VIPAS39: variants seen among roughly 807,000 people sequenced by gnomAD.
The protein encoded by VIPAS39 is VPS33B interacting protein, apical-basolateral polarity regulator, spe-39 homolog.
A neutral mutation model predicts 84.7 loss-of-function variants in VIPAS39; 63 were observed. The observed-to-expected ratio is 0.74, with a 90% CI of 0.61 to 0.92. VIPAS39 has a LOEUF of 0.92. Ranked by LOEUF, VIPAS39 falls within the 40% of genes least tolerant of loss-of-function variation. The pLI, the probability that VIPAS39 is intolerant of heterozygous loss-of-function variation, is 0.00. For synonymous variants in VIPAS39, 192 were observed against 216.5 expected (o/e 0.89, Z 0.99); for missense variants, 499 against 604.5 (o/e 0.83, Z 1.83).
chr14:77,432,818 A>T (rs2078543972), intron 16 of VIPAS39, among the ~76,000 whole-genome samples: 1 of 152,230 alleles, frequency 6.6e-6, no homozygotes. Context: ...AATGTACAGC[A>T]TGAGGAATAC....
chr14:77,433,580 A>T (rs934395801), intron 16 of VIPAS39, among the ~76,000 whole-genome samples: 1 of 152,232 alleles, frequency 6.6e-6, no homozygotes, highest in African/African-American at 2.4e-5. Flanking sequence ...GAAAAGAAAA[A>T]CACATAGGTA....
chr14:77,427,284 C>T lies in VIPAS39; in HGVS notation c.*332G>A. The T allele has an allele frequency of 2.5e-6, 1 of 395,510 alleles. No individual in the cohort carries two copies. Among genetic ancestry groups the T allele is most frequent in the Non-Finnish European group, 4.7e-6 (1 of 212,666 alleles). 24.5% of individuals were successfully genotyped at this position (395,510 alleles called of 1,614,324 possible). ...GAATGCAGTAGCCACCCTATGACTC[C>T]CATACCTCTTCCTTTCTGGAGCAGT... On this transcript the variant is annotated 3_prime_UTR_variant, in exon 20 of 20. Coordinates refer to ENST00000557658, the MANE Select transcript of VIPAS39 (RefSeq NM_001193315.2).
At chr14:77,454,200 T>C in intron 1 of VIPAS39, 98 bp from the exon 2 acceptor site, 2 of 1,095,968 alleles carry the variant, frequency 1.8e-6, no homozygotes, top group Non-Finnish European at 2.8e-6. Context: ...ATCCCAAAAA[T>C]CAAGGATGCA....
chr14:77,453,382 GC>G lies in VIPAS39; in HGVS notation c.112del (p.Ala38ArgfsTer2). 8 of 1,614,006 alleles carry G rather than the reference GC, an allele frequency of 5.0e-6. No individual in the cohort carries two copies. The highest frequency in any genetic ancestry group is 6.8e-6 in the Non-Finnish European group (8 of 1,180,002). The stretch of plus-strand genomic sequence containing the variant: ...CACGAAGTCTCGGAGGCTGTTCACC[GC>G]CCGCTTGGACTCCTTTAACTGCAGA... ...ELSQLKESKR[A>X]VNSLRDFVDD... On this transcript the variant is annotated frameshift_variant, in exon 3 of 20. Transcript: ENST00000557658. LOFTEE classifies it high-confidence loss of function.
rs1409442466 is a variant in VIPAS39 at position 77,448,242 on chromosome 14, C to T, written c.504+252G>A. Reference sequence around the variant, plus strand: ...GTGCTGGGATTACAGGCGTGAGCCACCACCCCTGGCCCTGGCCTCTCACTC... The same window carrying T: ...GTGCTGGGATTACAGGCGTGAGCCATCACCCCTGGCCCTGGCCTCTCACTC... On this transcript the variant is annotated intron_variant, in intron 7 of 19. Coordinates refer to ENST00000557658, the MANE Select transcript of VIPAS39 (RefSeq NM_001193315.2). 5.3e-5 allele frequency among the ~76,000 whole-genome samples: 8 copies of T among 152,344 alleles called. No homozygotes were observed. The East Asian group carries it at 1.5e-3, about 29-fold the overall frequency.
chr14:77,446,288 T>G (rs1375135467), intron 7 of VIPAS39, among the ~76,000 whole-genome samples: 1 of 152,138 alleles, frequency 6.6e-6, no homozygotes, highest in African/African-American at 2.4e-5. Context: ...TTAGAACCTG[T>G]GAAGTATAAT....
At chr14:77,439,495 CAT>C (rs1371199303) in intron 11 of VIPAS39, among the ~76,000 whole-genome samples, 1 of 152,094 alleles carries the variant, frequency 6.6e-6, no homozygotes, top group Non-Finnish European at 1.5e-5. Flanking sequence ...TTTCAGAAAA[CAT>C]GTTACTGAGC....
Position 77,437,719 on chromosome 14 carries a change from C to T in VIPAS39, c.836+89G>A, listed in dbSNP as rs985256172. 3 of 1,373,174 alleles carry T rather than the reference C, an allele frequency of 2.2e-6. No individual in the cohort carries two copies. In the African/African-American group the frequency reaches 4.3e-5, roughly 20 times the overall value. 85.1% of individuals were successfully genotyped at this position (1,373,174 alleles called of 1,614,324 possible). On this transcript the variant is annotated intron_variant, in intron 12 of 19. Coordinates refer to ENST00000557658, the MANE Select transcript of VIPAS39 (RefSeq NM_001193315.2). ...ATGATTCATTGTTAGCCCTCCCCTT[C>T]CTGCCTATCCATTCCACCCTTTTTA...
At chr14:77,445,197 G>A (rs1408445413) in intron 7 of VIPAS39, among the ~76,000 whole-genome samples, 1 of 147,262 alleles carries the variant, frequency 6.8e-6, no homozygotes, top group African/African-American at 2.5e-5. Flanking sequence ...CTGACCCCGT[G>A]ATCCACCTGC....
intron 11 of VIPAS39, chr14:77,440,144 C>G (rs1488297989): frequency 6.6e-6 from 1 of 151,854 alleles, no homozygotes; most frequent in Non-Finnish European, 1.5e-5. Context: ...CTCAGCCTCC[C>G]AAGTGCTGGC....
chr14:77,444,300 T>C lies in VIPAS39; in HGVS notation c.546A>G (p.Leu182=), dbSNP rs774415458. 2 of 1,613,926 alleles carry C rather than the reference T, an allele frequency of 1.2e-6. No homozygotes were observed. The highest frequency in any genetic ancestry group is 1.1e-5 in the South Asian group (1 of 91,080). Residue 182 remains leucine (L), a synonymous_variant, in exon 8 of 20, where the codon CTA becomes CTG. Coordinates refer to ENST00000557658, the MANE Select transcript of VIPAS39 (RefSeq NM_001193315.2). ...LERFRSLQDK[L]QLLEEAVSMH... is the part of the protein sequence containing the mutation. Reference sequence around the variant, plus strand: ...TGCTTACTGCCTCTTCTAGGAGTTGTAGTTTGTCCTGTAAGGAGCGGAATC... The same window carrying C: ...TGCTTACTGCCTCTTCTAGGAGTTGCAGTTTGTCCTGTAAGGAGCGGAATC...
At chr14:77,444,011 A>T (rs999293985) in intron 8 of VIPAS39, among the ~76,000 whole-genome samples, 5 of 150,300 alleles carry the variant, frequency 3.3e-5, no homozygotes, top group Non-Finnish European at 7.4e-5. Context: ...ACTGCACTTC[A>T]ACCTGGGCAA....
chr14:77,454,041 G>A lies in VIPAS39; in HGVS notation c.62C>T (p.Thr21Ile), dbSNP rs1356829789. 2 of 1,614,124 alleles carry A rather than the reference G, an allele frequency of 1.2e-6. No individual in the cohort carries two copies. ...YWNSSKFKAF[T>I]FDDEDDELSQ... is the part of the protein sequence containing the mutation. ...AAGCTCATCGTCTTCATCGTCAAAG[G>A]TAAAAGCCTTGAACTTGGAGCTGTT... Residue 21 changes from threonine to isoleucine, a missense_variant, in exon 2 of 20, where the codon ACC (threonine) becomes ATC (isoleucine). Coordinates refer to ENST00000557658, the MANE Select transcript of VIPAS39 (RefSeq NM_001193315.2).
chr14:77,434,237 A>AT, intron 15 of VIPAS39, 25 bp downstream of exon 15: 2 of 1,611,870 alleles, frequency 1.2e-6, no homozygotes, highest in Non-Finnish European at 1.7e-6. Context: ...CACTAGTTTC[A>AT]TAACACTGAC....
intron 16 of VIPAS39, among the ~76,000 whole-genome samples, chr14:77,430,517 G>A (rs1480726482): frequency 6.6e-6 from 1 of 152,064 alleles, no homozygotes; most frequent in Middle Eastern, 3.2e-3. Flanking sequence ...AGGAGTTCGA[G>A]ACCAGCCTGG....
intron 3 of VIPAS39, among the ~76,000 whole-genome samples, chr14:77,451,709 C>T (rs1292135435): frequency 2.0e-5 from 3 of 152,102 alleles, no homozygotes; most frequent in Non-Finnish European, 4.4e-5. Flanking sequence ...CTCAAGCCAT[C>T]CATCGCCACT....
At chr14:77,438,226 A>ATTT (rs34877078) in intron 11 of VIPAS39, among the ~76,000 whole-genome samples, 6 of 132,050 alleles carry the variant, frequency 4.5e-5, no homozygotes, top group Middle Eastern at 4.0e-3. Flanking sequence ...AATATGGAAA[A>ATTT]TTTTTTTTTT....
Position 77,449,767 on chromosome 14 carries a change from C to T in VIPAS39, c.344-15G>A. The T allele has an allele frequency of 6.2e-7, 1 of 1,614,028 alleles. No homozygotes were observed. The highest frequency in any genetic ancestry group is 8.5e-7 in the Non-Finnish European group (1 of 1,179,994). On this transcript the variant is annotated splice_polypyrimidine_tract_variant and intron_variant, in intron 4 of 19. Transcript: ENST00000557658. ...TCTAGTTCTACCTAAAGGTAAAGAA[C>T]ACAAGAGGGAAAAGGTCAACAGTTT...
At chr14:77,429,533 C>A (rs1205806751) in intron 17 of VIPAS39, 148 bp downstream of exon 17, 6 of 838,918 alleles carry the variant, frequency 7.2e-6, no homozygotes, top group South Asian at 4.1e-5. Flanking sequence ...CACTCCCTGG[C>A]CTTTTCTGTC....
Sources: gnomAD v4.1 joint callset for allele counts (sites outside exome capture counted in the v4.1 genomes callset) on GRCh38, gnomAD v4.1.1 for gene constraint, MANE v1.5 for transcripts, NCBI Gene and HGNC (gene_info 2026-07-23, HGNC 2026-07-21) for gene names.